The following ST6GALNAC3 variants were observed in gnomAD, a reference collection of about 807,000 sequenced individuals.
The protein encoded by ST6GALNAC3 is alpha-N-acetylgalactosaminide alpha-2,6-sialyltransferase 3.
ST6GALNAC3 carries 25 observed loss-of-function variants against 32.7 expected under a neutral mutation model. The ratio of observed to expected loss-of-function variants is 0.76; its 90% CI spans 0.56 to 1.07. The LOEUF is 1.07. ST6GALNAC3 is among the 50% of genes least tolerant of loss of function. The pLI is 0.00. For missense variants in ST6GALNAC3, 355 were observed against 382.4 expected (o/e 0.93, Z 0.60); for synonymous variants, 129 against 133.1 (o/e 0.97, Z 0.21).
intron 1 of ST6GALNAC3, among the ~76,000 whole-genome samples, chr1:76,180,968 A>G (rs545539786): frequency 6.6e-6 from 1 of 152,366 alleles, no homozygotes; most frequent in South Asian, 2.1e-4. Flanking sequence ...CCACTGAGCC[A>G]GTTGACACTT....
chr1:76,120,528 A>G (rs1648804229), intron 1 of ST6GALNAC3, among the ~76,000 whole-genome samples: 2 of 152,220 alleles, frequency 1.3e-5, no homozygotes, highest in South Asian at 4.1e-4. Context: ...TCCTTGATAG[A>G]TAAAGAAGAT....
At chr1:76,288,543 A>T (rs1283042386) in intron 1 of ST6GALNAC3, among the ~76,000 whole-genome samples, 1 of 152,144 alleles carries the variant, frequency 6.6e-6, no homozygotes, top group Non-Finnish European at 1.5e-5. Flanking sequence ...TGTCAAGTCA[A>T]CCCTTACTGC....
At chr1:76,096,988 G>A (rs1045763690) in intron 1 of ST6GALNAC3, among the ~76,000 whole-genome samples, 31 of 148,674 alleles carry the variant, frequency 2.1e-4, no homozygotes, top group Non-Finnish European at 4.4e-4. Flanking sequence ...GCGTGATCTC[G>A]GCTCACTGCA....
intron 3 of ST6GALNAC3, among the ~76,000 whole-genome samples, chr1:76,417,741 A>G (rs986686120): frequency 7.2e-5 from 11 of 152,170 alleles, no homozygotes; most frequent in Admixed American, 3.3e-4. Context: ...TCCCCATTAA[A>G]AGAGCAAAGC....
chr1:76,417,213 T>C (rs895589026), intron 3 of ST6GALNAC3, among the ~76,000 whole-genome samples: 21 of 151,476 alleles, frequency 1.4e-4, no homozygotes, highest in Middle Eastern at 3.2e-3. Context: ...GTTGTTTTTT[T>C]TTTCTTTCTT....
At chr1:76,099,224 T>C (rs1647180107) in intron 1 of ST6GALNAC3, among the ~76,000 whole-genome samples, 1 of 152,174 alleles carries the variant, frequency 6.6e-6, no homozygotes, top group Non-Finnish European at 1.5e-5. Context: ...GCTGTTTCTC[T>C]TTAAGGTGAT....
At chr1:76,533,577 T>G (rs1348783336) in intron 3 of ST6GALNAC3, among the ~76,000 whole-genome samples, 1 of 152,088 alleles carries the variant, frequency 6.6e-6, no homozygotes, top group Non-Finnish European at 1.5e-5. Flanking sequence ...TCACACCACA[T>G]AGTTACCCAT....
chr1:76,152,469 C>A (rs532813378), intron 1 of ST6GALNAC3, among the ~76,000 whole-genome samples: 2 of 152,294 alleles, frequency 1.3e-5, no homozygotes, highest in Non-Finnish European at 1.5e-5. Flanking sequence ...ATGAAAGGGT[C>A]TGGATTATTT....
intron 1 of ST6GALNAC3, among the ~76,000 whole-genome samples, chr1:76,284,709 G>A (rs1159423498): frequency 6.6e-6 from 1 of 152,032 alleles, no homozygotes; most frequent in Non-Finnish European, 1.5e-5. Flanking sequence ...ACGATCTCCT[G>A]AGGCAAGAGT....
chr1:76,341,127 C>T (rs1431263247), intron 2 of ST6GALNAC3, among the ~76,000 whole-genome samples: 1 of 151,452 alleles, frequency 6.6e-6, no homozygotes, highest in Non-Finnish European at 1.5e-5. Flanking sequence ...GAGATTTGGG[C>T]TTCTGATGAT....
intron 3 of ST6GALNAC3, among the ~76,000 whole-genome samples, chr1:76,593,564 C>A (rs1326773358): frequency 2.0e-5 from 3 of 152,166 alleles, no homozygotes; most frequent in African/African-American, 7.2e-5. Context: ...TTTTATCAAG[C>A]ATCTTTCTAA....
chr1:76,299,411 C>T (rs2392036), intron 1 of ST6GALNAC3, among the ~76,000 whole-genome samples: 65,232 of 151,846 alleles, frequency 0.43, 14,207 homozygotes, highest in Admixed American at 0.48. Context: ...ATACAGCTTC[C>T]AGTTTTCAAG....
intron 3 of ST6GALNAC3, among the ~76,000 whole-genome samples, chr1:76,527,900 A>T (rs1663012604): frequency 6.6e-6 from 1 of 152,114 alleles, no homozygotes; most frequent in African/African-American, 2.4e-5. Context: ...TCAGCAGAAA[A>T]ATAAAATACA....
chr1:76,303,843 T>G (rs1012293990), intron 1 of ST6GALNAC3, among the ~76,000 whole-genome samples: 1 of 152,050 alleles, frequency 6.6e-6, no homozygotes, highest in Admixed American at 6.6e-5. Context: ...TCAAAGCAAT[T>G]TCCTAGTAAA....
intron 1 of ST6GALNAC3, among the ~76,000 whole-genome samples, chr1:76,240,263 G>A (rs975458279): frequency 7.2e-5 from 11 of 152,262 alleles, no homozygotes; most frequent in Admixed American, 2.6e-4. Flanking sequence ...GATGTTTTAC[G>A]TAGAACTGCT....
intron 1 of ST6GALNAC3, among the ~76,000 whole-genome samples, chr1:76,132,043 C>T (rs2100868262): frequency 6.6e-6 from 1 of 152,290 alleles, no homozygotes; most frequent in Non-Finnish European, 1.5e-5. Flanking sequence ...CATTCCACTC[C>T]TCCCTTGTGG....
At chr1:76,337,793 G>A (rs754341981) in intron 2 of ST6GALNAC3, among the ~76,000 whole-genome samples, 1 of 152,108 alleles carries the variant, frequency 6.6e-6, no homozygotes, top group Non-Finnish European at 1.5e-5. Flanking sequence ...ACACTTCCTA[G>A]GTACTTTTGT....
intron 1 of ST6GALNAC3, among the ~76,000 whole-genome samples, chr1:76,172,245 TTA>T (rs1381386920): frequency 5.3e-5 from 8 of 152,328 alleles, no homozygotes; most frequent in Non-Finnish European, 8.8e-5. Context: ...AACCACATGA[TTA>T]TCTCAACAGA....
intron 3 of ST6GALNAC3, among the ~76,000 whole-genome samples, chr1:76,417,259 G>A (rs1265395526): frequency 6.9e-6 from 1 of 144,656 alleles, no homozygotes; most frequent in Non-Finnish European, 1.5e-5. Flanking sequence ...TCATTGGTTA[G>A]TGGTCACTTT....
Sources: gnomAD v4.1 joint callset for allele counts (sites outside exome capture counted in the v4.1 genomes callset) on GRCh38, gnomAD v4.1.1 for gene constraint, MANE v1.5 for transcripts, NCBI Gene and HGNC (gene_info 2026-07-23, HGNC 2026-07-21) for gene names.